SPIDR: variants seen among roughly 807,000 people sequenced by gnomAD.
SPIDR encodes scaffold protein involved in DNA repair.
Under a neutral mutation model 104.6 loss-of-function variants are expected in SPIDR, and 93 were observed. The ratio of observed to expected loss-of-function variants is 0.89; its 90% CI spans 0.75 to 1.06. The LOEUF is 1.06. SPIDR is among the 50% of genes least tolerant of loss of function. The pLI is 0.00. For synonymous variants in SPIDR, 431 were observed against 416.9 expected (o/e 1.03, Z -0.41); for missense variants, 1,154 against 1,111.2 (o/e 1.04, Z -0.55).
intron 10 of SPIDR, among the ~76,000 whole-genome samples, chr8:47,671,689 C>T (rs2075824108): frequency 6.6e-6 from 1 of 152,114 alleles, no homozygotes; most frequent in Non-Finnish European, 1.5e-5. Flanking sequence ...TGGTACAGTT[C>T]TGAGATGGCT....
intron 8 of SPIDR, among the ~76,000 whole-genome samples, chr8:47,486,513 C>A (rs1474089618): frequency 1.3e-5 from 2 of 152,144 alleles, no homozygotes; most frequent in Admixed American, 6.5e-5. Flanking sequence ...CACAAAGATA[C>A]TCCTCGAGAA....
At chr8:47,576,049 A>G (rs573319099) in intron 8 of SPIDR, among the ~76,000 whole-genome samples, 7 of 151,332 alleles carry the variant, frequency 4.6e-5, no homozygotes, top group Non-Finnish European at 1.0e-4. Context: ...GAGAAATACT[A>G]TTTTGAAAAT....
chr8:47,377,779 C>T (rs534070124), intron 5 of SPIDR, among the ~76,000 whole-genome samples: 6 of 152,290 alleles, frequency 3.9e-5, no homozygotes, highest in African/African-American at 7.2e-5. Flanking sequence ...CAAGTGGCCG[C>T]GTCAAGGGCC....
intron 7 of SPIDR, among the ~76,000 whole-genome samples, chr8:47,411,379 G>A (rs1198906286): frequency 6.6e-6 from 1 of 152,192 alleles, no homozygotes; most frequent in Admixed American, 6.5e-5. Context: ...GTATCTCATT[G>A]TGGTTTCGAT....
chr8:47,394,058 C>A (rs2060958621), intron 5 of SPIDR, among the ~76,000 whole-genome samples: 2 of 152,118 alleles, frequency 1.3e-5, no homozygotes. Flanking sequence ...AGGTGTGTGC[C>A]ACCACACCGG....
chr8:47,552,546 G>C (rs2090687237), intron 8 of SPIDR, among the ~76,000 whole-genome samples: 1 of 151,662 alleles, frequency 6.6e-6, no homozygotes, highest in South Asian at 2.1e-4. Flanking sequence ...TGTCTCTTTT[G>C]ATCTTTGTTG....
chr8:47,551,300 G>A (rs915462784), intron 8 of SPIDR, among the ~76,000 whole-genome samples: 1 of 152,166 alleles, frequency 6.6e-6, no homozygotes, highest in Non-Finnish European at 1.5e-5. Flanking sequence ...GAGTTAGGGA[G>A]GATTCCCTCT....
chr8:47,700,709 C>G (rs117844821), intron 12 of SPIDR, among the ~76,000 whole-genome samples: 1 of 152,218 alleles, frequency 6.6e-6, no homozygotes, highest in Non-Finnish European at 1.5e-5. Flanking sequence ...CCCTACTGTG[C>G]TGCACAGCAT....
At chr8:47,585,673 G>A (rs375795760) in intron 8 of SPIDR, among the ~76,000 whole-genome samples, 1 of 152,144 alleles carries the variant, frequency 6.6e-6, no homozygotes, top group African/African-American at 2.4e-5. Context: ...AGGTCGAGGG[G>A]TTGCATCTGG....
intron 5 of SPIDR, among the ~76,000 whole-genome samples, chr8:47,372,060 A>G (rs2058099909): frequency 6.6e-6 from 1 of 151,944 alleles, no homozygotes; most frequent in South Asian, 2.1e-4. Flanking sequence ...TTTTCAAGTC[A>G]CCTCTTCTGG....
Position 47,407,959 on chromosome 8 carries a change from CAGGTAAGGCTTG to C in SPIDR, c.876_877+10del. On this transcript the variant is annotated splice_donor_variant and splice_donor_5th_base_variant and coding_sequence_variant and intron_variant, in exon 7 of 20. Transcript: ENST00000297423. LOFTEE classifies it high-confidence loss of function. ...TGTATTTCTTACCAAAAGACACTTT[CAGGTAAGGCTTG>C]TGCAGGAATCTGAGACAATGTGTAA... The C allele has an allele frequency of 6.4e-7, 1 of 1,561,648 alleles. No homozygotes were observed. Among genetic ancestry groups the C allele is most frequent in the Non-Finnish European group, 8.8e-7 (1 of 1,142,804 alleles).
At chr8:47,460,503 T>C (rs2154352831) in intron 8 of SPIDR, among the ~76,000 whole-genome samples, 1 of 152,338 alleles carries the variant, frequency 6.6e-6, no homozygotes, top group African/African-American at 2.4e-5. Context: ...TTGGTGTTCA[T>C]TTGCGTGGGC....
At chr8:47,508,626 G>A (rs926536474) in intron 8 of SPIDR, among the ~76,000 whole-genome samples, 2 of 152,134 alleles carry the variant, frequency 1.3e-5, no homozygotes, top group African/African-American at 2.4e-5. Flanking sequence ...TGAGCCCCTC[G>A]AATTCTAACA....
At chr8:47,330,696 C>A (rs1453439584) in intron 5 of SPIDR, 5 of 444,316 alleles carry the variant, frequency 1.1e-5, no homozygotes, top group African/African-American at 1.0e-4. Flanking sequence ...TAACTTATTT[C>A]TTTTCAGCAC....
intron 8 of SPIDR, among the ~76,000 whole-genome samples, chr8:47,476,648 G>A (rs1342399990): frequency 2.6e-5 from 4 of 151,134 alleles, no homozygotes; most frequent in African/African-American, 4.9e-5. Flanking sequence ...ATTCTTCACC[G>A]AACTAAGGGT....
At position 47,729,456 on chromosome 8, in the gene SPIDR, TG is replaced by T; in HGVS notation, c.2596del (p.Glu866LysfsTer7). 1 of 1,597,776 alleles carries T rather than the reference TG, an allele frequency of 6.3e-7. No individual in the cohort carries two copies. The highest frequency in any genetic ancestry group is 8.5e-7 in the Non-Finnish European group (1 of 1,173,150). ...ISSLLRFAAG[E>X]DGSYEVKSVL... ...CCTCCCTGCTGAGGTTTGCCGCCGG[TG>T]AAGATGGGGTAAGTGCAGGGGGCCC... On this transcript the variant is annotated frameshift_variant, in exon 19 of 20. Transcript: ENST00000297423. LOFTEE classifies it low-confidence loss of function (END_TRUNC).
intron 8 of SPIDR, among the ~76,000 whole-genome samples, chr8:47,561,898 G>A (rs2057131981): frequency 2.0e-5 from 3 of 152,200 alleles, no homozygotes; most frequent in Non-Finnish European, 2.9e-5. Flanking sequence ...ACTGAATTTT[G>A]TTTGTAAAGC....
intron 8 of SPIDR, among the ~76,000 whole-genome samples, chr8:47,467,082 A>T (rs1241278539): frequency 1.3e-5 from 2 of 152,064 alleles, no homozygotes; most frequent in South Asian, 4.1e-4. Flanking sequence ...AATATTATGA[A>T]CATCTCTATG....
chr8:47,338,149 CT>C (rs2050110239), intron 5 of SPIDR, among the ~76,000 whole-genome samples: 1 of 152,112 alleles, frequency 6.6e-6, no homozygotes, highest in African/African-American at 2.4e-5. Context: ...TTGCCTGTCC[CT>C]TTCCTGGTGG....
Sources: allele counts gnomAD v4.1 joint callset (sites outside exome capture counted in the v4.1 genomes callset), GRCh38; gene constraint gnomAD v4.1.1; transcripts MANE v1.5; gene names NCBI Gene and HGNC (gene_info 2026-07-23, HGNC 2026-07-21).